Variants in RAB17 observed in about 807,000 individuals in gnomAD.
The protein encoded by RAB17 is ras-related protein Rab-17.
A neutral mutation model predicts 19.3 loss-of-function variants in RAB17; 15 were observed. That is an observed-to-expected ratio of 0.78 (90% CI 0.52 to 1.20). The LOEUF (loss-of-function observed/expected upper bound fraction) is 1.20, where lower values mean the gene tolerates loss of function less well. Among genes scored for constraint, RAB17 ranks in the 50% most tolerant of loss-of-function variants. The pLI is 0.00. For synonymous variants in RAB17, 110 were observed against 112.8 expected, an observed-to-expected ratio of 0.97 and a Z score of 0.16; for missense variants, 262 against 269.3, an observed-to-expected ratio of 0.97 and a Z score of 0.19.
Position 237,575,255 on chromosome 2 carries a change from C to G in RAB17, c.530-127G>C, listed in dbSNP as rs946276473. ...CCCTGAACCATAGAACAAGGGCCTC[C>G]TGCCCCTCCTGGTCACCATCCAGTC... is the stretch of plus-strand genomic sequence containing the variant. On this transcript the variant is annotated intron_variant, in intron 5 of 5. Transcript: ENST00000264601. 7 of 1,012,820 alleles carry G rather than the reference C, an allele frequency of 6.9e-6. No homozygotes were observed. In the African/African-American group the frequency reaches 1.1e-4, roughly 16 times the overall value. 62.7% of individuals were successfully genotyped at this position (1,012,820 alleles called of 1,614,324 possible). A position where few individuals can be genotyped will look rare whatever the true frequency, so the allele number is the denominator to read the frequency against.
At position 237,578,152 on chromosome 2, in the gene RAB17, G is replaced by A. The variant is rs767522387; in HGVS notation, c.161C>T (p.Ala54Val). ...FKSILPTVGCAFFTKVVDVGA... is the reference protein window; with the variant it reads ...FKSILPTVGCVFFTKVVDVGA... ...CACATCCACCACCTTTGTGAAGAACGCACCTGAAACAGGGAGGCCCAGAGG... is the reference window on the plus strand; with the variant it reads ...CACATCCACCACCTTTGTGAAGAACACACCTGAAACAGGGAGGCCCAGAGG... Residue 54 changes from alanine (A) to valine (V), a missense_variant, in exon 3 of 6, where the codon GCG becomes GTG. Transcript: ENST00000264601. 9.3e-6 allele frequency: 15 copies of A among 1,608,760 alleles called. No homozygotes were observed. The highest frequency in any genetic ancestry group is 4.5e-5 in the East Asian group (2 of 44,730).
intron 3 of RAB17, 31 bp from the exon 4 acceptor site, chr2:237,577,413 C>A: frequency 6.3e-7 from 1 of 1,586,212 alleles, no homozygotes; most frequent in South Asian, 1.1e-5. Context: ...TAACATCAAA[C>A]AAAACTTATA....
chr2:237,581,085 T>C (rs1382046901), intron 2 of RAB17, among the ~76,000 whole-genome samples: 1 of 152,078 alleles, frequency 6.6e-6, no homozygotes, highest in Non-Finnish European at 1.5e-5. Context: ...AAGGCCAAAA[T>C]GTAATTAAAA....
intron 1 of RAB17, among the ~76,000 whole-genome samples, chr2:237,589,846 G>A (rs2081379477): frequency 6.6e-6 from 1 of 152,136 alleles, no homozygotes; most frequent in African/African-American, 2.4e-5. Flanking sequence ...AAAACGGAGA[G>A]CAAATCCCAC....
intron 2 of RAB17, 128 bp from the exon 3 acceptor site, chr2:237,578,283 C>A: frequency 2.3e-6 from 2 of 867,852 alleles, no homozygotes; most frequent in South Asian, 3.7e-5. Flanking sequence ...ATCTCCCACG[C>A]CCGCATGGCC....
chr2:237,586,022 T>G lies in RAB17; in HGVS notation c.133A>C (p.Lys45Gln). The change falls in exon 2 of 6, where the codon AAG (lysine) becomes CAG (glutamine). Residue 45 changes from lysine to glutamine, a missense_variant. Lys to Gln is a moderately conservative substitution (Grantham distance 53). Coordinates refer to ENST00000264601, the MANE Select transcript of RAB17 (RefSeq NM_022449.4). ...CAGCCCACCGTAGGCAGGATACTCTTGAAGTCGTTCTTCACGTACCGAAGA... is the reference window on the plus strand; with the variant it reads ...CAGCCCACCGTAGGCAGGATACTCTGGAAGTCGTTCTTCACGTACCGAAGA... ...LALRYVKNDF[K>Q]SILPTVGCAF... The G allele has an allele frequency of 6.2e-7, 1 of 1,611,918 alleles. No individual in the cohort carries two copies. The highest frequency in any genetic ancestry group is 8.5e-7 in the Non-Finnish European group (1 of 1,179,064).
chr2:237,575,418 G>A lies in RAB17; in HGVS notation c.498C>T (p.Asn166=), dbSNP rs757711254. 6.2e-7 allele frequency: 1 copy of A among 1,612,462 alleles called. No homozygotes were observed. The highest frequency in any genetic ancestry group is 8.5e-7 in the Non-Finnish European group (1 of 1,179,578). The change falls in exon 5 of 6, where the codon AAC becomes AAT. Residue 166 remains asparagine, a synonymous_variant. Transcript: ENST00000264601. ...TATTGAACACCTCCGACACCTGGTG[G>A]TTCAGTTTGGCCGAAGTTTCCATGA... ...LLFMETSAKL[N]HQVSEVFNTV...
chr2:237,590,704 G>A lies in RAB17; in HGVS notation c.-241C>T, dbSNP rs2081389500. On this transcript the variant is annotated 5_prime_UTR_variant, in exon 1 of 6. Transcript: ENST00000264601. ...CCACTGGACCCCAGCGCCAAGGTCA[G>A]GCCTCTTCTCCTCCCAGAAGGTTTC... 1 of 153,228 alleles carries A rather than the reference G, an allele frequency of 6.5e-6. No individual in the cohort carries two copies. The highest frequency in any genetic ancestry group is 1.5e-5 in the Non-Finnish European group (1 of 68,806). 9.5% of individuals were successfully genotyped at this position (153,228 alleles called of 1,614,324 possible).
Position 237,578,036 on chromosome 2 carries a change from C to A in RAB17, c.277G>T (p.Ala93Ser). ...GTGATGTCGTACACCAGAAGCGCAG[C>A]GTTGGCACCCCTGAAGTAGAGGTGG... ...VCHLYFRGAN[A>S]ALLVYDITRK... Residue 93 changes from alanine (A) to serine (S), a missense_variant, in exon 3 of 6, where the codon GCT (alanine) becomes TCT (serine). Coordinates refer to ENST00000264601, the MANE Select transcript of RAB17 (RefSeq NM_022449.4). 6.2e-7 allele frequency: 1 copy of A among 1,612,006 alleles called. No individual in the cohort carries two copies. The highest frequency in any genetic ancestry group is 2.2e-5 in the East Asian group (1 of 44,800).
intron 1 of RAB17, among the ~76,000 whole-genome samples, chr2:237,589,396 A>G (rs530734091): frequency 1.3e-5 from 2 of 152,316 alleles, no homozygotes; most frequent in African/African-American, 4.8e-5. Flanking sequence ...TTATTATCCG[A>G]TGGGTAAGAA....
intron 2 of RAB17, among the ~76,000 whole-genome samples, chr2:237,582,078 A>ACTTGGACTCCCGTCC (rs974391542): frequency 3.3e-5 from 5 of 152,224 alleles, no homozygotes; most frequent in African/African-American, 1.2e-4. Flanking sequence ...GGCTGCGCTC[A>ACTTGGACTCCCGTCC]CTTGGACTCC....
intron 1 of RAB17, among the ~76,000 whole-genome samples, chr2:237,586,521 T>C (rs1413847237): frequency 1.3e-5 from 2 of 152,140 alleles, no homozygotes; most frequent in Non-Finnish European, 2.9e-5. Context: ...CCCCAAAGTA[T>C]CTAATGCAAG....
intron 2 of RAB17, chr2:237,578,559 G>A (rs1055419366): frequency 5.9e-5 from 10 of 169,984 alleles, no homozygotes; most frequent in African/African-American, 1.9e-4. Flanking sequence ...CCGGCCCCTC[G>A]CCTGCCAGAC....
chr2:237,585,894 TG>T, intron 2 of RAB17, 103 bp downstream of exon 2: 2 of 1,273,508 alleles, frequency 1.6e-6, no homozygotes, highest in South Asian at 1.5e-5. Flanking sequence ...GGTCCCAGCA[TG>T]GGGATTCCTA....
intron 4 of RAB17, among the ~76,000 whole-genome samples, 179 bp downstream of exon 4, chr2:237,577,074 GTGAA>G (rs2081270151): frequency 6.6e-6 from 1 of 151,988 alleles, no homozygotes; most frequent in African/African-American, 2.4e-5. Context: ...GCAAGTGAGA[GTGAA>G]TGTGGGGGGT....
intron 2 of RAB17, chr2:237,579,141 G>A (rs571442065): frequency 6.6e-6 from 1 of 152,366 alleles, no homozygotes; most frequent in South Asian, 2.1e-4. Flanking sequence ...CAAGGTGTCT[G>A]GGGCATGGAG....
intron 4 of RAB17, chr2:237,576,526 C>CT (rs1160065628): frequency 6.4e-6 from 3 of 465,632 alleles, no homozygotes; most frequent in Non-Finnish European, 1.3e-5. Flanking sequence ...CTTCACCCCA[C>CT]TTCTCCATCT....
intron 2 of RAB17, chr2:237,585,453 C>CT (rs1466691055): frequency 4.7e-5 from 8 of 169,246 alleles, no homozygotes; most frequent in African/African-American, 1.9e-4. Flanking sequence ...ACAGGTTAGC[C>CT]TTTTTAAGAA....
At chr2:237,576,737 C>T (rs1468925120) in intron 4 of RAB17, 2 of 471,106 alleles carry the variant, frequency 4.2e-6, no homozygotes, top group Middle Eastern at 3.3e-4. Flanking sequence ...GAAACAACAG[C>T]GACACCTGGG....
Sources: gnomAD v4.1 joint callset for allele counts (sites outside exome capture counted in the v4.1 genomes callset) on GRCh38, gnomAD v4.1.1 for gene constraint, MANE v1.5 for transcripts, NCBI Gene and HGNC (gene_info 2026-07-23, HGNC 2026-07-21) for gene names.